MIIP: variants seen among roughly 807,000 people sequenced by gnomAD.
MIIP encodes the protein migration and invasion-inhibitory protein.
Under a neutral mutation model 44.8 loss-of-function variants are expected in MIIP, and 44 were observed. The ratio of observed to expected loss-of-function variants is 0.98; its 90% CI spans 0.77 to 1.26. The LOEUF (loss-of-function observed/expected upper bound fraction) is 1.26. Ranked by LOEUF, MIIP falls within the 50% of genes most tolerant of loss-of-function variation. The pLI is 0.00. For missense variants in MIIP, 496 were observed against 511.7 expected (o/e 0.97, Z 0.30); for synonymous variants, 225 against 218.3 (o/e 1.03, Z -0.27).
At chr1:12,023,676 C>CTTT (rs771688884) in intron 4 of MIIP, among the ~76,000 whole-genome samples, 2 of 137,442 alleles carry the variant, frequency 1.5e-5, no homozygotes, top group East Asian at 4.3e-4. Flanking sequence ...CCATGCCCGG[C>CTTT]TTTTTTTTTT....
chr1:12,025,909 G>C (rs2100901361), intron 4 of MIIP, among the ~76,000 whole-genome samples: 1 of 151,856 alleles, frequency 6.6e-6, no homozygotes, highest in Admixed American at 6.5e-5. Flanking sequence ...TGTTGGCCAG[G>C]CTGGTCTCGA....
intron 4 of MIIP, among the ~76,000 whole-genome samples, chr1:12,025,659 A>G (rs890953407): frequency 6.6e-6 from 1 of 152,174 alleles, no homozygotes; most frequent in East Asian, 1.9e-4. Context: ...TCTGGCCTCT[A>G]CTGGCCCCAT....
chr1:12,021,640 T>G lies in MIIP; in HGVS notation c.-82-5T>G. 8.3e-7 allele frequency: 1 copy of G among 1,211,116 alleles called. No individual in the cohort carries two copies. Among genetic ancestry groups the G allele is most frequent in the Non-Finnish European group, 1.2e-6 (1 of 841,248 alleles). 75.0% of individuals were successfully genotyped at this position (1,211,116 alleles called of 1,614,324 possible). A position where few individuals can be genotyped will look rare whatever the true frequency, so the allele number is the denominator to read the frequency against. On this transcript the variant is annotated splice_region_variant and splice_polypyrimidine_tract_variant and intron_variant, in intron 1 of 9. Coordinates refer to ENST00000235332, the MANE Select transcript of MIIP (RefSeq NM_021933.4). ...GAGCCCCGTGTCCTGCTGTCTTGAC[T>G]TCAGGTAGAAGAGCTGGGCCTGGAA...
intron 7 of MIIP, 25 bp from the exon 8 acceptor site, chr1:12,030,003 G>C: frequency 3.1e-6 from 5 of 1,611,696 alleles, no homozygotes; most frequent in Non-Finnish European, 4.2e-6. Context: ...GCTCCTCAGG[G>C]GTCCCCCACT....
Position 12,022,178 on chromosome 1 carries a change from C to T in MIIP, c.198C>T (p.Cys66=), listed in dbSNP as rs1639991966. Residue 66 remains cysteine, a synonymous_variant, in exon 3 of 10, where the codon TGC becomes TGT. Coordinates refer to ENST00000235332, the MANE Select transcript of MIIP (RefSeq NM_021933.4). ...CCTCAACTTCCTTGAGCACCTCCTG[C>T]CCACGGGGCCGGTCCTCCGTGTGGG... is the stretch of plus-strand genomic sequence containing the variant. The part of the protein sequence containing the change: ...ETSSTSLSTS[C]PRGRSSVWGP... 1.5e-5 allele frequency: 24 copies of T among 1,613,686 alleles called. No homozygotes were observed. Among genetic ancestry groups the T allele is most frequent in the African/African-American group, 2.7e-5 (2 of 74,938 alleles).
chr1:12,022,821 TTCC>T lies in MIIP; in HGVS notation c.463-10_463-8del, dbSNP rs1161207598. 6.3e-7 allele frequency: 1 copy of T among 1,596,596 alleles called. No homozygotes were observed. The highest frequency in any genetic ancestry group is 1.3e-5 in the African/African-American group (1 of 74,646). On this transcript the variant is annotated splice_polypyrimidine_tract_variant and intron_variant, in intron 3 of 9. Transcript: ENST00000235332. ...TGGCTTAGTCCTTGTCCCTCTGTGC[TTCC>T]TTCCTCAGCCCAGGGTGACCTTCTC...
chr1:12,021,667 C>G lies in MIIP; in HGVS notation c.-60C>G. The G allele has an allele frequency of 6.7e-7, 1 of 1,491,916 alleles. No individual in the cohort carries two copies. The highest frequency in any genetic ancestry group is 9.2e-7 in the Non-Finnish European group (1 of 1,083,370). The allele number at this position is 1,491,916 out of a possible 1,614,324, so 92.4% of individuals were successfully genotyped here. A position where few individuals can be genotyped will look rare whatever the true frequency, so the allele number is the denominator to read the frequency against. ...CAGGTAGAAGAGCTGGGCCTGGAAC[C>G]CAGCCCTGAGGACATCCTGCGGCCC... On this transcript the variant is annotated 5_prime_UTR_variant, in exon 2 of 10. Coordinates refer to ENST00000235332, the MANE Select transcript of MIIP (RefSeq NM_021933.4).
At chr1:12,027,032 G>T (rs1357457179) in intron 4 of MIIP, among the ~76,000 whole-genome samples, 3 of 136,314 alleles carry the variant, frequency 2.2e-5, no homozygotes, top group African/African-American at 2.8e-5. Context: ...TTGAGATGGA[G>T]TCTCGTTCTT....
chr1:12,023,778 G>A (rs1185781041), intron 4 of MIIP, among the ~76,000 whole-genome samples: 1 of 151,676 alleles, frequency 6.6e-6, no homozygotes, highest in Non-Finnish European at 1.5e-5. Context: ...GGCGGATCAC[G>A]AGGTCAGGAG....
At chr1:12,024,641 C>T (rs1640062185) in intron 4 of MIIP, among the ~76,000 whole-genome samples, 1 of 152,072 alleles carries the variant, frequency 6.6e-6, no homozygotes, top group Admixed American at 6.5e-5. Flanking sequence ...CTGGAACTGA[C>T]CTCAGGCGAT....
At chr1:12,021,330 C>T (rs1408864733) in intron 1 of MIIP, among the ~76,000 whole-genome samples, 1 of 150,900 alleles carries the variant, frequency 6.6e-6, no homozygotes, top group Non-Finnish European at 1.5e-5. Context: ...GGAGGCGGAG[C>T]TTGCAGTGAG....
intron 4 of MIIP, 51 bp from the exon 5 acceptor site, chr1:12,028,982 G>A (rs1212966184): frequency 6.8e-6 from 10 of 1,480,920 alleles, no homozygotes; most frequent in Non-Finnish European, 1.9e-6. Flanking sequence ...TGGCCACACA[G>A]CAGCCCCCAG....
chr1:12,026,172 G>T (rs1640102304), intron 4 of MIIP, among the ~76,000 whole-genome samples: 1 of 152,070 alleles, frequency 6.6e-6, no homozygotes, highest in African/African-American at 2.4e-5. Context: ...AGGTGTGGTG[G>T]CGGGCACCTA....
chr1:12,028,156 G>A (rs945428456), intron 4 of MIIP, among the ~76,000 whole-genome samples: 1 of 152,198 alleles, frequency 6.6e-6, no homozygotes, highest in South Asian at 2.1e-4. Context: ...GCAGTGAGCC[G>A]AGGTCGCTCC....
At chr1:12,028,649 T>C (rs1640154922) in intron 4 of MIIP, 1 of 178,730 alleles carries the variant, frequency 5.6e-6, no homozygotes, top group Non-Finnish European at 1.2e-5. Flanking sequence ...TTCTGGCAGG[T>C]ATCAGCATTC....
At chr1:12,020,222 T>C (rs1639942183) in intron 1 of MIIP, among the ~76,000 whole-genome samples, 1 of 152,162 alleles carries the variant, frequency 6.6e-6, no homozygotes, top group Non-Finnish European at 1.5e-5. Flanking sequence ...GTTGCTTAAC[T>C]TCCCTGAGCT....
chr1:12,029,644 C>A, intron 6 of MIIP, 121 bp from the exon 7 acceptor site: 1 of 1,401,110 alleles, frequency 7.1e-7, no homozygotes, highest in Non-Finnish European at 9.7e-7. Context: ...AGGAAATGGG[C>A]CGAAGGGCTT....
rs202166341 is a variant in MIIP, at chr1:12,030,136, C to T, written c.942+12C>T. On this transcript the variant is annotated intron_variant, in intron 8 of 9. Transcript: ENST00000235332. ...TGGCCCTGCCCCGGGTGAGCAGCCA[C>T]GTGGGGCTGGATGGTGATGAGGGCG... is the stretch of plus-strand genomic sequence containing the variant. 8.9e-5 allele frequency: 143 copies of T among 1,611,350 alleles called. No individual in the cohort carries two copies. The African/African-American group carries it at 1.4e-3, about 16-fold the overall frequency.
chr1:12,027,690 C>T (rs1417903495), intron 4 of MIIP, among the ~76,000 whole-genome samples: 1 of 152,142 alleles, frequency 6.6e-6, no homozygotes, highest in Non-Finnish European at 1.5e-5. Context: ...TATCTCTAGC[C>T]CGCACCTCTC....
Sources: gnomAD v4.1 joint callset for allele counts (sites outside exome capture counted in the v4.1 genomes callset) on GRCh38, gnomAD v4.1.1 for gene constraint, MANE v1.5 for transcripts, NCBI Gene and HGNC (gene_info 2026-07-23, HGNC 2026-07-21) for gene names.